The following DNAH10 variants were observed in gnomAD, a reference collection of about 807,000 sequenced individuals.
The protein encoded by DNAH10 is axonemal beta dynein heavy chain 10.
DNAH10 carries 348 observed loss-of-function variants against 506.6 expected under a neutral mutation model. The observed-to-expected ratio is 0.69, with a 90% confidence interval of 0.63 to 0.75. The LOEUF (loss-of-function observed/expected upper bound fraction) is 0.75. Among genes scored for constraint, DNAH10 ranks in the 30% least tolerant of loss-of-function variants. The pLI is 0.00. For synonymous variants in DNAH10, 2,059 were observed against 2,198.6 expected (o/e 0.94, Z 1.78); for missense variants, 5,179 against 5,787.1 (o/e 0.89, Z 3.41).
rs1293752671 is a variant in DNAH10, at chr12:123,917,970, A to G, written c.11232+157A>G. Among the ~76,000 whole-genome samples the G allele has an allele frequency of 6.6e-6, 1 of 152,206 alleles. No homozygotes were observed. Among genetic ancestry groups the G allele is most frequent in the Admixed American group, 6.5e-5 (1 of 15,292 alleles). ...GATGTGCTGTGGGGAGGGGAGCCCT[A>G]AAGGTGTTCCCAGGGACCCTTGGGC... On this transcript the variant is annotated intron_variant, in intron 64 of 78. Transcript: ENST00000673944. This position sits in a 1 kb window ranked among gnomAD's most constrained non-coding sequence, Gnocchi z 5.6.
chr12:123,861,239 T>A (rs974246278), intron 39 of DNAH10, 69 bp downstream of exon 39: 13 of 1,549,906 alleles, frequency 8.4e-6, no homozygotes, highest in Admixed American at 1.9e-5. Flanking sequence ...TTAAAAACGG[T>A]GGCAGGACTA....
Position 123,934,633 on chromosome 12 carries a change from C to G in DNAH10, c.13490C>G (p.Ser4497Ter). ...NERAGQGCFVSGLYLEGADWD... is the reference protein window; with the variant it reads ...NERAGQGCFV ...CTTGTGTCCCTAGGATGCTTTGTCT[C>G]AGGACTGTACCTGGAAGGTGCTGAC... Residue 4497 changes from serine to a stop codon, truncating the protein, a stop_gained, in exon 78 of 79, where the codon TCA (serine) becomes TGA (stop). Transcript: ENST00000673944. LOFTEE classifies it high-confidence loss of function. The G allele has an allele frequency of 6.2e-7, 1 of 1,613,588 alleles. No homozygotes were observed. The highest frequency in any genetic ancestry group is 8.5e-7 in the Non-Finnish European group (1 of 1,179,752).
intron 26 of DNAH10, among the ~76,000 whole-genome samples, chr12:123,831,503 C>T (rs1470707180): frequency 2.0e-5 from 3 of 152,186 alleles, no homozygotes; most frequent in Non-Finnish European, 4.4e-5. Context: ...TGGGTAGAAT[C>T]TATTGCTCTA....
At chr12:123,897,538 C>T (rs1250898355) in intron 54 of DNAH10, among the ~76,000 whole-genome samples, 1 of 152,096 alleles carries the variant, frequency 6.6e-6, no homozygotes, top group African/African-American at 2.4e-5. Flanking sequence ...GCCTGGGCAA[C>T]ATGGGTGAAA....
Position 123,917,480 on chromosome 12 carries a change from T to G in DNAH10, c.11003-104T>G. 1 of 1,215,558 alleles carries G rather than the reference T, an allele frequency of 8.2e-7. No individual in the cohort carries two copies. Among genetic ancestry groups the G allele is most frequent in the Non-Finnish European group, 1.1e-6 (1 of 872,182 alleles). The allele number at this position is 1,215,558 out of a possible 1,614,324, so 75.3% of individuals were successfully genotyped here. A position where few individuals can be genotyped will look rare whatever the true frequency, so the allele number is the denominator to read the frequency against. On this transcript the variant is annotated intron_variant, in intron 63 of 78. Coordinates refer to ENST00000673944, the MANE Select transcript of DNAH10 (RefSeq NM_001372106.1). This position sits in a 1 kb window ranked among gnomAD's most constrained non-coding sequence, Gnocchi z 5.6. ...GCAGTGAATCCTCGTGCCTCTGGCC[T>G]GCTGGCTGAGACCCGCGCTAAGCTT... is the stretch of plus-strand genomic sequence containing the variant.
chr12:123,771,574 T>C, intron 2 of DNAH10, 27 bp from the exon 3 acceptor site: 1 of 1,598,306 alleles, frequency 6.3e-7, no homozygotes, highest in African/African-American at 1.3e-5. Context: ...CTGATTATTT[T>C]CTCTTAAACT....
At chr12:123,875,895 A>G (rs905457593) in intron 47 of DNAH10, among the ~76,000 whole-genome samples, 1 of 152,108 alleles carries the variant, frequency 6.6e-6, no homozygotes, top group African/African-American at 2.4e-5. Context: ...GAGCGGGGAG[A>G]TCATGATGGT....
intron 24 of DNAH10, among the ~76,000 whole-genome samples, chr12:123,825,750 G>A (rs186672939): frequency 3.3e-5 from 5 of 152,278 alleles, no homozygotes; most frequent in Admixed American, 6.5e-5. Flanking sequence ...TCACAGGCAT[G>A]CACACCTGTC....
Position 123,917,940 on chromosome 12 carries a change from A to T in DNAH10, c.11232+127A>T, listed in dbSNP as rs551991055. ...ATCTCAGGGCTAAAAACCCACCTCT[A>T]TTGGGATGTGCTGTGGGGAGGGGAG... is the stretch of plus-strand genomic sequence containing the variant. On this transcript the variant is annotated intron_variant, in intron 64 of 78. Coordinates refer to ENST00000673944, the MANE Select transcript of DNAH10 (RefSeq NM_001372106.1). The surrounding 1 kb of genome is among the most constrained non-coding windows in gnomAD (Gnocchi z 5.6). The T allele has an allele frequency of 3.9e-6, 4 of 1,013,232 alleles. No homozygotes were observed. Among genetic ancestry groups the T allele is most frequent in the Non-Finnish European group, 5.8e-6 (4 of 691,660 alleles). 62.8% of individuals were successfully genotyped at this position (1,013,232 alleles called of 1,614,324 possible).
intron 65 of DNAH10, among the ~76,000 whole-genome samples, chr12:123,921,690 AGTTTTTTTTTTTTTT>A: frequency 1.0e-5 from 1 of 98,272 alleles, no homozygotes; most frequent in African/African-American, 4.0e-5. Context: ...TGTAGCTTGC[AGTTTTTTTTTTTTTT>A]TTTTTTTTTT....
rs1057111200 is a variant in DNAH10 at position 123,794,129 on chromosome 12, T to C, written c.1986+17T>C. The C allele has an allele frequency of 5.0e-5, 58 of 1,155,446 alleles. No homozygotes were observed. The highest frequency in any genetic ancestry group is 1.8e-4 in the African/African-American group (11 of 61,524). The allele number at this position is 1,155,446 out of a possible 1,614,324, so 71.6% of individuals were successfully genotyped here. On this transcript the variant is annotated intron_variant, in intron 12 of 78. Coordinates refer to ENST00000673944, the MANE Select transcript of DNAH10 (RefSeq NM_001372106.1). ...TGTAAAGAGGTAATTGAAAAATCGA[T>C]AGCTGCCATAGCATTAAAAATACAC...
chr12:123,837,181 A>AG (rs1182193392), intron 28 of DNAH10, among the ~76,000 whole-genome samples: 1 of 150,352 alleles, frequency 6.7e-6, no homozygotes, highest in Non-Finnish European at 1.5e-5. Context: ...AAAAATACAA[A>AG]AAAAAAAAAA....
At chr12:123,802,605 C>CT (rs1958515593) in intron 16 of DNAH10, among the ~76,000 whole-genome samples, 3 of 152,080 alleles carry the variant, frequency 2.0e-5, no homozygotes, top group African/African-American at 7.2e-5. Context: ...CACGTGTGGC[C>CT]TTTTTTTGTT....
At chr12:123,879,125 T>G in intron 48 of DNAH10, 139 bp from the exon 49 acceptor site, 2 of 645,280 alleles carry the variant, frequency 3.1e-6, no homozygotes, top group African/African-American at 1.8e-5. Flanking sequence ...TTCATTAACG[T>G]GAGACTAGGG....
Position 123,918,818 on chromosome 12 carries a change from A to G in DNAH10, c.11375A>G (p.Tyr3792Cys). Residue 3792 changes from tyrosine to cysteine, a missense_variant, in exon 65 of 79, where the codon TAC becomes TGC. By Grantham distance (194) the Tyr-to-Cys change is radical. Transcript: ENST00000673944. ...EMALVNSMYQ[Y>C]SLIAFLEVFR... ...GCCCTGGTGAACTCCATGTACCAGT[A>G]CTCCCTGATTGCCTTCTTAGAGGTC... 3 of 1,613,726 alleles carry G rather than the reference A, an allele frequency of 1.9e-6. No individual in the cohort carries two copies. Among genetic ancestry groups the G allele is most frequent in the Non-Finnish European group, 8.5e-7 (1 of 1,179,834 alleles).
chr12:123,836,734 A>G (rs996643344), intron 28 of DNAH10, among the ~76,000 whole-genome samples: 2 of 152,196 alleles, frequency 1.3e-5, no homozygotes, highest in Admixed American at 6.5e-5. Flanking sequence ...TGTACAACAC[A>G]TATCAGGCTG....
intron 26 of DNAH10, among the ~76,000 whole-genome samples, chr12:123,832,278 GTATT>G (rs1960644001): frequency 6.6e-6 from 1 of 151,810 alleles, no homozygotes; most frequent in Admixed American, 6.6e-5. Context: ...TGTACACTAT[GTATT>G]CGTATACACA....
chr12:123,879,635 T>C lies in DNAH10; in HGVS notation c.8468T>C (p.Val2823Ala), dbSNP rs1952413809. 9 of 1,613,998 alleles carry C rather than the reference T, an allele frequency of 5.6e-6. No homozygotes were observed. The highest frequency in any genetic ancestry group is 7.6e-6 in the Non-Finnish European group (9 of 1,179,868). ...CCTTAAGTGGGCTTCTGTTTCAAGG[T>C]ACAACAGCACATAGGCAGCTTGGTT... ...RLISETDKQLVQQHIGSLVVE... is the reference protein window; with the variant it reads ...RLISETDKQLAQQHIGSLVVE... Residue 2823 changes from valine to alanine, a missense_variant and splice_region_variant, in exon 50 of 79, where the codon GTA becomes GCA. Coordinates refer to ENST00000673944, the MANE Select transcript of DNAH10 (RefSeq NM_001372106.1).
chr12:123,813,686 G>A, intron 20 of DNAH10, 46 bp downstream of exon 20: 1 of 1,612,884 alleles, frequency 6.2e-7, no homozygotes, highest in Non-Finnish European at 8.5e-7. Flanking sequence ...CGTGTAAGTT[G>A]GGTCTTCATT....
Sources: allele counts gnomAD v4.1 joint callset (sites outside exome capture counted in the v4.1 genomes callset), GRCh38; gene constraint gnomAD v4.1.1; non-coding constraint Gnocchi (gnomAD v3.1); transcripts MANE v1.5; gene names NCBI Gene and HGNC (gene_info 2026-07-23, HGNC 2026-07-21).